FLNC: variants seen among roughly 807,000 people sequenced by gnomAD.
The protein encoded by FLNC is filamin C.
Under a neutral mutation model 254.3 loss-of-function variants are expected in FLNC, and 91 were observed. That is an observed-to-expected ratio of 0.36 (90% confidence interval 0.30 to 0.43). FLNC has a LOEUF of 0.43. Ranked by LOEUF, FLNC falls within the 20% of genes least tolerant of loss-of-function variation. The probability of loss-of-function intolerance (pLI) is 1.00; values close to 1 mark genes in which losing one functional copy is unlikely to be tolerated. For missense variants in FLNC, 2,853 were observed against 3,802.6 expected (o/e 0.75, Z 6.57); for synonymous variants, 1,430 against 1,577.2 (o/e 0.91, Z 2.21).
intron 33 of FLNC, 81 bp from the exon 34 acceptor site, chr7:128,851,151 G>A: frequency 6.2e-7 from 1 of 1,604,610 alleles, no homozygotes; most frequent in Admixed American, 1.7e-5. Context: ...TGGCAGGGAG[G>A]CTGCTGGAAG....
At position 128,858,751 on chromosome 7, in the gene FLNC, T is replaced by C. The variant is rs1809181252; in HGVS notation, c.*228T>C. ...AGTGTCCCTCCCTGGGAATGTGACA[T>C]GAGGGCCGACTGGGGCCAGGCTCAG... On this transcript the variant is annotated 3_prime_UTR_variant, in exon 48 of 48. Transcript: ENST00000325888. The surrounding 1 kb of genome is among the most constrained non-coding windows in gnomAD (Gnocchi z 6.7). 1.7e-6 allele frequency: 1 copy of C among 573,128 alleles called. No individual in the cohort carries two copies. Among genetic ancestry groups the C allele is most frequent in the Non-Finnish European group, 3.1e-6 (1 of 318,406 alleles). The allele number at this position is 573,128 out of a possible 1,614,324, so 35.5% of individuals were successfully genotyped here.
At chr7:128,834,095 GCTCCA>G (rs1017509873) in intron 1 of FLNC, among the ~76,000 whole-genome samples, 2 of 152,138 alleles carry the variant, frequency 1.3e-5, no homozygotes, top group African/African-American at 4.8e-5. Flanking sequence ...TAAGGGGAAG[GCTCCA>G]CTCCACCCTC....
chr7:128,853,370 G>A (rs78407667), intron 37 of FLNC, 99 bp from the exon 38 acceptor site: 26 of 1,463,638 alleles, frequency 1.8e-5, no homozygotes, highest in Middle Eastern at 2.2e-4. Flanking sequence ...TACACACATC[G>A]GTGCCCATTC....
chr7:128,846,670 T>G, intron 23 of FLNC, 75 bp from the exon 24 acceptor site: 1 of 1,488,522 alleles, frequency 6.7e-7, no homozygotes, highest in Non-Finnish European at 9.2e-7. Context: ...CTTTCCTCCC[T>G]GTCCCCCCAT....
At position 128,858,078 on chromosome 7, in the gene FLNC, C is replaced by T; in HGVS notation, c.7851C>T (p.Ser2617=). ...STVLVETVTK[S]SSSRGSSYSS... ...TTCTGGTGGAGACTGTGACCAAGTC[C>T]TCCTCAAGCCGGGGCTCCAGCTACA... The change falls in exon 47 of 48, where the codon TCC becomes TCT. Residue 2617 remains serine (S), a synonymous_variant. Coordinates refer to ENST00000325888, the MANE Select transcript of FLNC (RefSeq NM_001458.5). This position sits in a 1 kb window ranked among gnomAD's most constrained non-coding sequence, Gnocchi z 6.7. The T allele has an allele frequency of 6.2e-7, 1 of 1,612,882 alleles. No individual in the cohort carries two copies. The highest frequency in any genetic ancestry group is 8.5e-7 in the Non-Finnish European group (1 of 1,179,416).
In FLNC at chr7:128,830,879, G is replaced by A; in HGVS notation, c.242G>A (p.Arg81His). 1.2e-6 allele frequency: 2 copies of A among 1,613,140 alleles called. No homozygotes were observed. The highest frequency in any genetic ancestry group is 2.2e-5 in the East Asian group (1 of 44,872). ...CTGCTCGAGGTGCTCAGCCAGAAGC[G>A]CATGTACCGCAAGTTCCATCCGCGC... ...IALLEVLSQK[R>H]MYRKFHPRPN... Residue 81 changes from arginine (R) to histidine (H), a missense_variant, in exon 1 of 48, where the codon CGC (arginine) becomes CAC (histidine). Arg to His is a conservative substitution (Grantham distance 29). Coordinates refer to ENST00000325888, the MANE Select transcript of FLNC (RefSeq NM_001458.5).
In FLNC at chr7:128,844,222, A is replaced by G. The variant is rs773580485; in HGVS notation, c.3148A>G (p.Ser1050Gly). The change falls in exon 20 of 48, where the codon AGC (serine) becomes GGC (glycine). Residue 1050 changes from serine (S) to glycine (G), a missense_variant. Transcript: ENST00000325888. ...ITYDGHPVPG[S>G]PFAVEGVLPP... ...CTACGATGGTCACCCGGTGCCTGGC[A>G]GCCCGTTTGCTGTGGAGGGTGTCCT... 1.2e-6 allele frequency: 2 copies of G among 1,611,900 alleles called. No individual in the cohort carries two copies. Among genetic ancestry groups the G allele is most frequent in the East Asian group, 4.5e-5 (2 of 44,844 alleles).
intron 21 of FLNC, among the ~76,000 whole-genome samples, chr7:128,845,535 C>T (rs1466754528): frequency 6.6e-6 from 1 of 152,110 alleles, no homozygotes; most frequent in African/African-American, 2.4e-5. Flanking sequence ...TAAGGGGTAC[C>T]CTGATCCAAA....
rs758216356 is a variant in FLNC, at chr7:128,837,632, C to A, written c.851-5C>A. ...AGTAACCTGGGCTCTGCTCCTGCCC[C>A]GTAGGCATCGAGCCACAGGGCAACA... On this transcript the variant is annotated splice_polypyrimidine_tract_variant and splice_region_variant and intron_variant, in intron 4 of 47. Transcript: ENST00000325888. 1 of 1,612,552 alleles carries A rather than the reference C, an allele frequency of 6.2e-7. No homozygotes were observed. The highest frequency in any genetic ancestry group is 1.1e-5 in the South Asian group (1 of 91,088).
In FLNC at chr7:128,836,459, C is replaced by G. The variant is rs532148612; in HGVS notation, c.602-701C>G. Among the ~76,000 whole-genome samples the G allele has an allele frequency of 3.3e-5, 5 of 152,288 alleles. 1 individual carries two copies. The South Asian group carries it at 1.0e-3, about 32-fold the overall frequency. ...TGGATTCCAGCCTTGAGCCGGCCCC[C>G]TCCCCGAAACGGTGTGCCGTCCCCC... On this transcript the variant is annotated intron_variant, in intron 2 of 47. Coordinates refer to ENST00000325888, the MANE Select transcript of FLNC (RefSeq NM_001458.5). The surrounding 1 kb of genome is among the most constrained non-coding windows in gnomAD (Gnocchi z 6.0).
Position 128,838,926 on chromosome 7 carries a change from C to T in FLNC, c.1411+123C>T. The T allele has an allele frequency of 3.6e-6, 3 of 844,534 alleles. No homozygotes were observed. In the South Asian group the frequency reaches 4.6e-5, roughly 13 times the overall value. The allele number at this position is 844,534 out of a possible 1,614,324, so 52.3% of individuals were successfully genotyped here. On this transcript the variant is annotated intron_variant, in intron 8 of 47. Coordinates refer to ENST00000325888, the MANE Select transcript of FLNC (RefSeq NM_001458.5). ...CCTCCCTGAGTCCTCCATCCCACCCCCAAGGTGGCTGGAGTTCCTAAGAGC... is the reference window on the plus strand; with the variant it reads ...CCTCCCTGAGTCCTCCATCCCACCCTCAAGGTGGCTGGAGTTCCTAAGAGC...
rs183082845 is a variant in FLNC, at chr7:128,835,889, G to C, written c.601+315G>C. On this transcript the variant is annotated intron_variant, in intron 2 of 47. Transcript: ENST00000325888. The surrounding 1 kb of genome is among the most constrained non-coding windows in gnomAD (Gnocchi z 5.3). ...AGCTTATCTGTGGCAGAACCACCTA[G>C]AGCCCAGGGCCTGGACTCCCTGCCC... is the stretch of plus-strand genomic sequence containing the variant. Among the ~76,000 whole-genome samples the C allele has an allele frequency of 5.9e-5, 9 of 152,356 alleles. No homozygotes were observed. Among genetic ancestry groups the C allele is most frequent in the Non-Finnish European group, 1.2e-4 (8 of 68,026 alleles).
In FLNC at chr7:128,842,567, T is replaced by C. The variant is rs1245917439; in HGVS notation, c.2266-8T>C. 1 of 1,548,730 alleles carries C rather than the reference T, an allele frequency of 6.5e-7. No individual in the cohort carries two copies. The highest frequency in any genetic ancestry group is 2.4e-5 in the East Asian group (1 of 40,918). ...GGGCACCACGCTGAGCTGCGACCCCTCCCGCAGGTGAACGTGGGCGAGGGC... is the reference window on the plus strand; with the variant it reads ...GGGCACCACGCTGAGCTGCGACCCCCCCCGCAGGTGAACGTGGGCGAGGGC... On this transcript the variant is annotated splice_region_variant and splice_polypyrimidine_tract_variant and intron_variant, in intron 14 of 47. Transcript: ENST00000325888. The surrounding 1 kb of genome is among the most constrained non-coding windows in gnomAD (Gnocchi z 5.4).
intron 1 of FLNC, among the ~76,000 whole-genome samples, chr7:128,833,611 T>A (rs1277528713): frequency 7.3e-6 from 1 of 136,532 alleles, no homozygotes; most frequent in African/African-American, 3.2e-5. Flanking sequence ...CCTCCCCATA[T>A]ACACACCGCC....
At chr7:128,853,437 C>A (rs773439152) in intron 37 of FLNC, 32 bp from the exon 38 acceptor site, 1 of 1,612,606 alleles carries the variant, frequency 6.2e-7, no homozygotes, top group African/African-American at 1.3e-5. Context: ...CAGCCTAGGA[C>A]TGAGGGAGAT....
Position 128,836,864 on chromosome 7 carries a change from G to A in FLNC, c.602-296G>A, listed in dbSNP as rs1307720780. 6.6e-6 allele frequency among the ~76,000 whole-genome samples: 1 copy of A among 152,216 alleles called. No homozygotes were observed. Among genetic ancestry groups the A allele is most frequent in the African/African-American group, 2.4e-5 (1 of 41,452 alleles). ...AGGGGGTACCCTCCCAGGGTTTGGGGTTCAAGGTCTGAGCTGGGGCCTGGG... is the reference window on the plus strand; with the variant it reads ...AGGGGGTACCCTCCCAGGGTTTGGGATTCAAGGTCTGAGCTGGGGCCTGGG... On this transcript the variant is annotated intron_variant, in intron 2 of 47. Transcript: ENST00000325888. The surrounding 1 kb of genome is among the most constrained non-coding windows in gnomAD (Gnocchi z 6.0).
chr7:128,834,622 T>C (rs1047618539), intron 1 of FLNC, among the ~76,000 whole-genome samples: 5 of 152,136 alleles, frequency 3.3e-5, no homozygotes, highest in Non-Finnish European at 5.9e-5. Context: ...GACCTTACTA[T>C]GTTTAAGACC....
chr7:128,844,641 C>A lies in FLNC; in HGVS notation c.3193-17C>A. ...GAGGCCAGGTGCAGGGAACCCACAA[C>A]CTGCCTCTTCCCCTAGGTCTGTGCT... On this transcript the variant is annotated splice_polypyrimidine_tract_variant and intron_variant, in intron 20 of 47. Transcript: ENST00000325888. 6.2e-7 allele frequency: 1 copy of A among 1,606,358 alleles called. No individual in the cohort carries two copies. The highest frequency in any genetic ancestry group is 8.5e-7 in the Non-Finnish European group (1 of 1,178,178).
rs201895675 is a variant in FLNC, at chr7:128,857,160, C to T, written c.7604C>T (p.Ser2535Leu). 26 of 1,614,010 alleles carry T rather than the reference C, an allele frequency of 1.6e-5. No homozygotes were observed. The highest frequency in any genetic ancestry group is 6.7e-5 in the East Asian group (3 of 44,898). The change falls in exon 46 of 48, where the codon TCG becomes TTG. Residue 2535 changes from serine (S) to leucine (L), a missense_variant. Ser to Leu is a moderately radical substitution (Grantham distance 145). Around this residue, in one of 10 missense-constraint regions of FLNC, gnomAD observed 197 missense variants for 351.5 expected, o/e 0.56. Coordinates refer to ENST00000325888, the MANE Select transcript of FLNC (RefSeq NM_001458.5). This position sits in a 1 kb window ranked among gnomAD's most constrained non-coding sequence, Gnocchi z 4.5. ...EFIVNTLNAG[S>L]GALSVTIDGP... ...ATCGTGAACACCCTGAATGCCGGCT[C>T]GGGGGCCTTGTCTGTCACCATTGAT... is the stretch of plus-strand genomic sequence containing the variant.
Sources: gnomAD v4.1 joint callset for allele counts (sites outside exome capture counted in the v4.1 genomes callset) on GRCh38, gnomAD v4.1.1 for gene constraint, gnomAD v4.1.1 regional missense constraint, Gnocchi (gnomAD v3.1) non-coding constraint, MANE v1.5 for transcripts, NCBI Gene and HGNC (gene_info 2026-07-23, HGNC 2026-07-21) for gene names.